Variants in SSUH2 observed in about 807,000 individuals in gnomAD.
SSUH2 encodes the protein protein SSUH2 homolog.
In SSUH2, 47 loss-of-function variants were observed where a neutral mutation model predicts 55.3. The ratio of observed to expected loss-of-function variants is 0.85; its 90% CI spans 0.67 to 1.08. SSUH2 has a LOEUF of 1.08. Among genes scored for constraint, SSUH2 ranks in the 50% least tolerant of loss-of-function variants. The pLI, the probability that SSUH2 is intolerant of heterozygous loss-of-function variation, is 0.00. For synonymous variants in SSUH2, 212 were observed against 191.5 expected (o/e 1.11, Z -0.89); for missense variants, 535 against 490.7 (o/e 1.09, Z -0.85).
rs1325203017 is a variant in SSUH2, at chr3:8,678,382, T to C, written c.-900-1029A>G. Among the ~76,000 whole-genome samples the C allele has an allele frequency of 3.3e-5, 5 of 152,114 alleles. No individual in the cohort carries two copies. The East Asian group carries it at 7.7e-4, about 23-fold the overall frequency. The stretch of plus-strand genomic sequence containing the variant: ...GGGGAGTAATATCATCCTCTCCCTT[T>C]CAGGATATTAATAACAAATTCACAG... On this transcript the variant is annotated intron_variant, in intron 2 of 18. Transcript: ENST00000317371.
In SSUH2 at chr3:8,680,446, G is replaced by GGT. The variant is rs759455880; in HGVS notation, c.-1045-599_-1045-598dup. Reference sequence around the variant, plus strand: ...GGGTGTACACCCTCGGTGTACAGAGGGTATACACCTGTCTGTACTGGGAGT... The same window carrying GGT: ...GGGTGTACACCCTCGGTGTACAGAGGGTGTATACACCTGTCTGTACTGGGAGT... On this transcript the variant is annotated intron_variant, in intron 1 of 18. Coordinates refer to the SSUH2 transcript ENST00000317371. Among the ~76,000 whole-genome samples, 35 of 152,050 alleles carry GGT rather than the reference G, an allele frequency of 2.3e-4. 1 individual carries two copies. In the South Asian group the frequency reaches 5.0e-3, roughly 22 times the overall value.
chr3:8,623,563 G>A lies in SSUH2; in HGVS notation c.967C>T (p.Arg323Cys), dbSNP rs546704231. ...CCCTGGCTCACCTGCTGCAGGACGC[G>A]GGCACGGGAGGCCAAGGCAGCGCTG... is the stretch of plus-strand genomic sequence containing the variant. ...EHSAALASRA[R>C]VLQQRQTIEL... Residue 323 changes from arginine to cysteine, a missense_variant, in exon 11 of 12, where the codon CGC becomes TGC. By Grantham distance (180) the Arg-to-Cys change is radical. Transcript: ENST00000544814. 1.9e-5 allele frequency: 30 copies of A among 1,549,370 alleles called. 1 individual carries two copies. Among genetic ancestry groups the A allele is most frequent in the East Asian group, 9.8e-5 (4 of 40,916 alleles).
At chr3:8,651,536 G>A (rs1006720814) in intron 7 of SSUH2, among the ~76,000 whole-genome samples, 33 of 152,022 alleles carry the variant, frequency 2.2e-4, no homozygotes, top group African/African-American at 7.5e-4. Context: ...TGACTCCTGG[G>A]GCCACACAAA....
At chr3:8,681,838 T>TC (rs145952161) in intron 1 of SSUH2, 2,191 of 162,048 alleles carry the variant, frequency 0.014, 54 homozygotes, top group African/African-American at 0.05. Context: ...CAGCCCCTCT[T>TC]CCCCCCCTGG....
intron 1 of SSUH2, chr3:8,640,149 G>T (rs1317719823): frequency 7.1e-6 from 2 of 280,184 alleles, no homozygotes; most frequent in Non-Finnish European, 1.1e-5. Flanking sequence ...TCCAGAGAAG[G>T]ATGGTCATGG....
chr3:8,635,691 G>A lies in SSUH2; in HGVS notation c.127+68C>T, dbSNP rs960467720. On this transcript the variant is annotated intron_variant, in intron 2 of 11. Transcript: ENST00000544814. ...GCTATCTCAGCACCACCTTTTTCCC[G>A]AGACATCCCACCAACCAGCGTGAGC... 174 of 1,391,136 alleles carry A rather than the reference G, an allele frequency of 1.3e-4. No homozygotes were observed. In the African/African-American group the frequency reaches 1.9e-3, roughly 15 times the overall value. The allele number at this position is 1,391,136 out of a possible 1,614,324, so 86.2% of individuals were successfully genotyped here.
chr3:8,665,627 T>C (rs538730387), intron 5 of SSUH2, among the ~76,000 whole-genome samples: 1 of 151,308 alleles, frequency 6.6e-6, no homozygotes, highest in African/African-American at 2.4e-5. Context: ...CAAAACCTTC[T>C]GCAACCCAAA....
At chr3:8,675,722 G>T (rs1575396748) in intron 3 of SSUH2, among the ~76,000 whole-genome samples, 1 of 152,246 alleles carries the variant, frequency 6.6e-6, no homozygotes, top group East Asian at 1.9e-4. Flanking sequence ...CCAAGCCTTT[G>T]CATGAGGTCA....
chr3:8,655,945 G>A (rs1702896375), intron 7 of SSUH2, among the ~76,000 whole-genome samples: 2 of 152,086 alleles, frequency 1.3e-5, no homozygotes, highest in Admixed American at 6.6e-5. Context: ...CTACCACTGT[G>A]GAATAAGGGA....
Position 8,631,943 on chromosome 3 carries a change from A to G in SSUH2, c.400+106T>C, listed in dbSNP as rs1347228197. The G allele has an allele frequency of 5.7e-6, 5 of 874,948 alleles. No homozygotes were observed. The Admixed American group carries it at 9.2e-5, about 16-fold the overall frequency. The allele number at this position is 874,948 out of a possible 1,614,324, so 54.2% of individuals were successfully genotyped here. A position where few individuals can be genotyped will look rare whatever the true frequency, so the allele number is the denominator to read the frequency against. The stretch of plus-strand genomic sequence containing the variant: ...GTAAGGAAGCCAAGGCTCCAAGCAG[A>G]AGACCATCTTATTTGAGATGAGTGC... On this transcript the variant is annotated intron_variant, in intron 5 of 11. Coordinates refer to ENST00000544814, the MANE Select transcript of SSUH2 (RefSeq NM_001256748.3).
At chr3:8,662,773 C>T (rs1489199086) in intron 6 of SSUH2, among the ~76,000 whole-genome samples, 1 of 152,180 alleles carries the variant, frequency 6.6e-6, no homozygotes, top group Non-Finnish European at 1.5e-5. Context: ...CATTTCCTAC[C>T]TTATTGACTC....
intron 10 of SSUH2, among the ~76,000 whole-genome samples, chr3:8,625,107 C>G (rs1697251638): frequency 6.6e-6 from 1 of 152,014 alleles, no homozygotes; most frequent in South Asian, 2.1e-4. Context: ...CCTCACCAGA[C>G]TGTAAGCTCT....
At chr3:8,676,353 T>G (rs928964801) in intron 3 of SSUH2, among the ~76,000 whole-genome samples, 1 of 151,824 alleles carries the variant, frequency 6.6e-6, no homozygotes, top group African/African-American at 2.4e-5. Flanking sequence ...CACGTTGCAA[T>G]TAGAAACAAT....
At chr3:8,620,501 A>G (rs984023832) in intron 11 of SSUH2, among the ~76,000 whole-genome samples, 1 of 152,228 alleles carries the variant, frequency 6.6e-6, no homozygotes, top group African/African-American at 2.4e-5. Flanking sequence ...AGACTAACAC[A>G]GCATTCTAAA....
rs1376433084 is a variant in SSUH2 at position 8,679,198 on chromosome 3, C to T, written c.-901+507G>A. 1.5e-4 allele frequency among the ~76,000 whole-genome samples: 14 copies of T among 93,746 alleles called. 4 individuals are homozygous for T. The highest frequency in any genetic ancestry group is 4.2e-4 in the African/African-American group (12 of 28,374). 61.5% of individuals were successfully genotyped at this position (93,746 alleles called of 152,430 possible). The stretch of plus-strand genomic sequence containing the variant: ...GTTCCCCCACACTGGCTCTTGGGAC[C>T]CCCATCGCAGGGGGGATGGCACCCT... On this transcript the variant is annotated intron_variant, in intron 2 of 18. Transcript: ENST00000317371.
At chr3:8,681,549 T>TGGG (rs1164650112) in intron 1 of SSUH2, among the ~76,000 whole-genome samples, 1 of 133,304 alleles carries the variant, frequency 7.5e-6, no homozygotes, top group East Asian at 2.5e-4. Flanking sequence ...CGGACCCCCA[T>TGGG]GGGGGGCGGG....
chr3:8,625,490 G>A, intron 10 of SSUH2, 52 bp downstream of exon 10: 2 of 1,164,728 alleles, frequency 1.7e-6, no homozygotes, highest in South Asian at 2.5e-5. Flanking sequence ...AGGCCCACGA[G>A]AGCAGAGGAG....
At chr3:8,645,301 A>T (rs150766258), upstream of SSUH2, among the ~76,000 whole-genome samples, 498 of 152,348 alleles carry the variant, frequency 3.3e-3, 4 homozygotes, top group African/African-American at 0.011. Flanking sequence ...GGAAGAAACA[A>T]AGCTGGGATT....
intron 1 of SSUH2, among the ~76,000 whole-genome samples, chr3:8,641,033 C>A (rs1700742395): frequency 6.6e-6 from 1 of 152,188 alleles, no homozygotes; most frequent in South Asian, 2.1e-4. Context: ...TGTACTCACC[C>A]TCACACACCC....
Sources: gnomAD v4.1 joint callset for allele counts (sites outside exome capture counted in the v4.1 genomes callset) on GRCh38, gnomAD v4.1.1 for gene constraint, MANE v1.5 for transcripts, NCBI Gene and HGNC (gene_info 2026-07-23, HGNC 2026-07-21) for gene names.